The following SMIM10L3 variants were observed in gnomAD, a reference collection of about 807,000 sequenced individuals.
SMIM10L3 encodes the protein small integral membrane protein 10 like 3, also known as salivary gland specific protein SAGSIN1.
chr7:6,348,477 G>T, the SMIM10L3 span: 1 of 408,260 alleles, frequency 2.4e-6, no homozygotes, highest in Non-Finnish European at 4.3e-6. Context: ...CATACACTCA[G>T]CTTCTAGGCA....
At chr7:6,341,459 A>T in the SMIM10L3 span, among the ~76,000 whole-genome samples, 66,830 of 142,298 alleles carry the variant, frequency 0.47, 15,279 homozygotes, top group East Asian at 0.61. Flanking sequence ...TAATAATAAT[A>T]ATTATTATTA....
the SMIM10L3 span, among the ~76,000 whole-genome samples, chr7:6,347,883 T>TTTATTATTATTA: frequency 0.041 from 5,449 of 131,456 alleles, 148 homozygotes; most frequent in Admixed American, 0.051. Context: ...ACGAGACCCC[T>TTTATTATTATTA]TTATTATTAT....
chr7:6,333,945 C>T, the SMIM10L3 span, among the ~76,000 whole-genome samples: 1 of 148,256 alleles, frequency 6.7e-6, no homozygotes, highest in Non-Finnish European at 1.5e-5. Context: ...CTCCCGGGTT[C>T]ACGCCATTCT....
chr7:6,333,193 A>G, the SMIM10L3 span, among the ~76,000 whole-genome samples: 2 of 151,928 alleles, frequency 1.3e-5, no homozygotes, highest in South Asian at 2.1e-4. Flanking sequence ...AAAAAACAAA[A>G]AAACACTGGG....
At chr7:6,334,633 A>AT in the SMIM10L3 span, among the ~76,000 whole-genome samples, 2 of 151,704 alleles carry the variant, frequency 1.3e-5, no homozygotes, top group Non-Finnish European at 2.9e-5. Context: ...CGCCCGGCTA[A>AT]TTTTTTATAT....
the SMIM10L3 span, among the ~76,000 whole-genome samples, chr7:6,342,340 C>T: frequency 1.3e-5 from 2 of 151,832 alleles, no homozygotes; most frequent in Admixed American, 1.3e-4. Context: ...AGCCCAGGAG[C>T]TGGAGACCAG....
chr7:6,340,457 G>A, the SMIM10L3 span, among the ~76,000 whole-genome samples: 4,065 of 152,214 alleles, frequency 0.027, 202 homozygotes, highest in African/African-American at 0.093. Flanking sequence ...GGCAGAGGCC[G>A]TGCCATACCT....
At chr7:6,339,717 C>A in the SMIM10L3 span, among the ~76,000 whole-genome samples, 10 of 152,186 alleles carry the variant, frequency 6.6e-5, no homozygotes, top group East Asian at 1.7e-3. Context: ...ATGATCCACC[C>A]ACCTCAGCCT....
chr7:6,330,164 T>C, the SMIM10L3 span: 4 of 577,244 alleles, frequency 6.9e-6, no homozygotes, highest in Admixed American at 1.0e-4. Flanking sequence ...TCTTTATATG[T>C]CTTTTAAAGC....
chr7:6,340,185 C>T, the SMIM10L3 span, among the ~76,000 whole-genome samples: 21 of 152,168 alleles, frequency 1.4e-4, no homozygotes, highest in African/African-American at 4.8e-4. Context: ...GCGCCCGGCC[C>T]CTCCCAGGAT....
the SMIM10L3 span, among the ~76,000 whole-genome samples, chr7:6,333,898 G>C: frequency 2.3e-4 from 33 of 141,398 alleles, no homozygotes; most frequent in East Asian, 4.2e-4. Context: ...CCAGGCTGGA[G>C]TGCAGTGGCG....
the SMIM10L3 span, among the ~76,000 whole-genome samples, chr7:6,333,208 A>G: frequency 6.6e-6 from 1 of 151,998 alleles, no homozygotes; most frequent in Admixed American, 6.6e-5. Context: ...ACTGGGGAGA[A>G]AATGAAGGAT....
At chr7:6,331,131 G>C in the SMIM10L3 span, 2 of 1,612,946 alleles carry the variant, frequency 1.2e-6, no homozygotes, top group Non-Finnish European at 1.7e-6. Context: ...GGCAGGTGCC[G>C]AGGGGCCCTC....
chr7:6,345,489 G>A, the SMIM10L3 span, among the ~76,000 whole-genome samples: 10 of 152,088 alleles, frequency 6.6e-5, no homozygotes, highest in African/African-American at 1.9e-4. Flanking sequence ...TAGTCCAGGC[G>A]AGTGGATACA....
the SMIM10L3 span, chr7:6,331,109 G>A: frequency 6.2e-7 from 1 of 1,613,344 alleles, no homozygotes; most frequent in South Asian, 1.1e-5. Context: ...CCGGCCTGCT[G>A]CACTTGTGCC....
the SMIM10L3 span, among the ~76,000 whole-genome samples, chr7:6,343,517 A>T: frequency 6.7e-6 from 1 of 148,864 alleles, no homozygotes; most frequent in East Asian, 1.9e-4. Flanking sequence ...ATGACTTGTT[A>T]AATTATAGCA....
At chr7:6,335,781 T>C in the SMIM10L3 span, among the ~76,000 whole-genome samples, 1 of 152,096 alleles carries the variant, frequency 6.6e-6, no homozygotes, top group African/African-American at 2.4e-5. Flanking sequence ...AGCCCTGTCA[T>C]CCCAACACTT....
chr7:6,334,950 T>C, the SMIM10L3 span, among the ~76,000 whole-genome samples: 2 of 151,402 alleles, frequency 1.3e-5, no homozygotes, highest in African/African-American at 4.9e-5. Context: ...GTATTTTTAA[T>C]AGAGACGGGT....
chr7:6,335,732 C>A, the SMIM10L3 span, among the ~76,000 whole-genome samples: 8 of 152,054 alleles, frequency 5.3e-5, no homozygotes, highest in African/African-American at 1.9e-4. Context: ...CTATATAATT[C>A]ACTAAAATAT....
Sources: allele counts gnomAD v4.1 joint callset (sites outside exome capture counted in the v4.1 genomes callset), GRCh38; gene constraint gnomAD v4.1.1; transcripts MANE v1.5; gene names NCBI Gene and HGNC (gene_info 2026-07-23, HGNC 2026-07-21).